The following SCLY variants were observed in gnomAD, a reference collection of about 807,000 sequenced individuals.
The protein encoded by SCLY is selenocysteine lyase.
A neutral mutation model predicts 50.1 loss-of-function variants in SCLY; 38 were observed. That is an observed-to-expected ratio of 0.76 (90% CI 0.59 to 0.99). SCLY has a LOEUF of 0.99. SCLY is among the 50% of genes least tolerant of loss of function. The pLI is 0.00. For missense variants in SCLY, 600 were observed against 620.0 expected (o/e 0.97, Z 0.34); for synonymous variants, 243 against 249.4 (o/e 0.97, Z 0.24).
intron 6 of SCLY, among the ~76,000 whole-genome samples, chr2:238,082,413 T>C (rs2065247729): frequency 6.6e-6 from 1 of 151,292 alleles, no homozygotes; most frequent in Admixed American, 6.6e-5. Context: ...ATGGCAGGGA[T>C]GATGGGGGGG....
At position 238,098,139 on chromosome 2, in the gene SCLY, G is replaced by C. The variant is rs555193808; in HGVS notation, c.1185-63G>C. ...CCACTAGGGGAGTGGTCCAGAGCAG[G>C]GGGGGCTGTGTCTCTTCCATGTGCC... On this transcript the variant is annotated intron_variant, in intron 11 of 11. Coordinates refer to ENST00000254663, the MANE Select transcript of SCLY (RefSeq NM_016510.7). 2.5e-5 allele frequency: 40 copies of C among 1,571,756 alleles called. No individual in the cohort carries two copies. The African/African-American group carries it at 4.0e-4, about 16-fold the overall frequency.
At chr2:238,088,296 T>C (rs1197736413) in intron 7 of SCLY, among the ~76,000 whole-genome samples, 2 of 151,834 alleles carry the variant, frequency 1.3e-5, no homozygotes, top group African/African-American at 2.4e-5. Context: ...ATCTCGCCTC[T>C]ATTACAAATA....
At chr2:238,073,700 G>A (rs185576782) in intron 4 of SCLY, 2 of 464,046 alleles carry the variant, frequency 4.3e-6, no homozygotes, top group African/African-American at 4.0e-5. Context: ...AACTCTGTGG[G>A]TCTACTTATA....
In SCLY at chr2:238,069,433, C is replaced by G. The variant is rs763712631; in HGVS notation, c.440C>G (p.Ser147Cys). Residue 147 changes from serine (S) to cysteine (C), a missense_variant, in exon 4 of 12, where the codon TCC becomes TGC. Physicochemically the swap from Ser to Cys is moderately radical, Grantham distance 112. Transcript: ENST00000254663. The surrounding 1 kb of genome is among the most constrained non-coding windows in gnomAD (Gnocchi z 5.0). ...HFITSSVEHDSIRLPLEHLVE... is the reference protein window; with the variant it reads ...HFITSSVEHDCIRLPLEHLVE... ...ATTACTTCCTCGGTGGAACACGACT[C>G]CATCCGGCTGCCCCTGGAGCACCTG... 1 of 1,613,798 alleles carries G rather than the reference C, an allele frequency of 6.2e-7. No individual in the cohort carries two copies.
At chr2:238,072,162 C>T (rs191613630) in intron 4 of SCLY, among the ~76,000 whole-genome samples, 13 of 152,096 alleles carry the variant, frequency 8.5e-5, no homozygotes, top group Admixed American at 6.5e-5. Flanking sequence ...CTCTTTTTGA[C>T]GGGCTTCTTC....
intron 2 of SCLY, among the ~76,000 whole-genome samples, chr2:238,065,863 C>T (rs1019169632): frequency 2.0e-5 from 3 of 151,750 alleles, no homozygotes; most frequent in South Asian, 2.1e-4. Context: ...TTAGTAGAGA[C>T]GGGGTTTCAC....
intron 7 of SCLY, among the ~76,000 whole-genome samples, chr2:238,090,522 C>T (rs1279374911): frequency 6.6e-6 from 1 of 152,142 alleles, no homozygotes; most frequent in Non-Finnish European, 1.5e-5. Context: ...TGCCTGTAAT[C>T]CCAGATACTC....
At chr2:238,086,968 G>A (rs1422771951) in intron 7 of SCLY, among the ~76,000 whole-genome samples, 2 of 147,670 alleles carry the variant, frequency 1.4e-5, no homozygotes, top group Non-Finnish European at 3.0e-5. Context: ...GTGGTGACCC[G>A]AGATCGCACC....
At chr2:238,064,917 T>C (rs1312740883) in intron 2 of SCLY, 3 of 152,308 alleles carry the variant, frequency 2.0e-5, no homozygotes, top group Non-Finnish European at 2.9e-5. Flanking sequence ...TTCTTATTTG[T>C]TTCCAATTTA....
Position 238,098,605 on chromosome 2 carries a change from A to AGGACCGCCCACATGGGACCGCCCACATG in SCLY, c.*278_*305dup, listed in dbSNP as rs57089270. ...ACCGCCCACATAGGACCGCCCACAT[A>AGGACCGCCCACATGGGACCGCCCACATG]GGACCGCCCACATGGGACCGCCCAC... On this transcript the variant is annotated 3_prime_UTR_variant, in exon 12 of 12. Coordinates refer to ENST00000254663, the MANE Select transcript of SCLY (RefSeq NM_016510.7). The AGGACCGCCCACATGGGACCGCCCACATG allele has an allele frequency of 5.1e-3, 1,575 of 311,206 alleles. 76 individuals carry two copies. Among genetic ancestry groups the AGGACCGCCCACATGGGACCGCCCACATG allele is most frequent in the East Asian group, 0.022 (476 of 21,574 alleles). 19.3% of individuals were successfully genotyped at this position (311,206 alleles called of 1,614,324 possible).
At chr2:238,085,643 C>T (rs1462618258) in intron 7 of SCLY, among the ~76,000 whole-genome samples, 2 of 151,966 alleles carry the variant, frequency 1.3e-5, no homozygotes, top group Admixed American at 6.6e-5. Flanking sequence ...AGGAGAATCC[C>T]TTGAACCTAG....
chr2:238,094,233 G>T, intron 9 of SCLY, 187 bp from the exon 10 acceptor site: 2 of 622,530 alleles, frequency 3.2e-6, no homozygotes, highest in Non-Finnish European at 5.7e-6. Context: ...ATATGTTTCT[G>T]AATATTTGGT....
At chr2:238,073,929 A>G (rs2065149463) in intron 4 of SCLY, 2 of 327,390 alleles carry the variant, frequency 6.1e-6, no homozygotes, top group Admixed American at 3.8e-5. Context: ...CATATAATAT[A>G]TAATATACAA....
intron 7 of SCLY, among the ~76,000 whole-genome samples, chr2:238,086,917 G>A (rs1247448456): frequency 6.6e-6 from 1 of 151,912 alleles, no homozygotes; most frequent in African/African-American, 2.4e-5. Flanking sequence ...TACTTGGGAG[G>A]CTGAGGCAGG....
intron 7 of SCLY, among the ~76,000 whole-genome samples, chr2:238,084,984 A>G (rs2106449065): frequency 6.6e-6 from 1 of 152,210 alleles, no homozygotes; most frequent in East Asian, 1.9e-4. Flanking sequence ...AACGTCAGAA[A>G]ATGGCAGCCC....
rs1165520971 is a variant in SCLY at position 238,072,397 on chromosome 2, A to T, written c.484+2920A>T. Among the ~76,000 whole-genome samples the T allele has an allele frequency of 3.3e-5, 5 of 152,214 alleles. No homozygotes were observed. In the South Asian group the frequency reaches 8.3e-4, roughly 25 times the overall value. ...CTTATTTCTTTTGGGTTTATACTTG[A>T]GTGAGATTGCTGGGTCATGCGGTAA... On this transcript the variant is annotated intron_variant, in intron 4 of 11. Coordinates refer to ENST00000254663, the MANE Select transcript of SCLY (RefSeq NM_016510.7).
rs767531094 is a variant in SCLY at position 238,081,794 on chromosome 2, C to G, written c.570C>G (p.Leu190=). 12 of 1,614,036 alleles carry G rather than the reference C, an allele frequency of 7.4e-6. No homozygotes were observed. The highest frequency in any genetic ancestry group is 1.7e-5 in the Admixed American group (1 of 60,002). ...CGGCAGTCCGCCCGACCACACGCCT[C>G]GTGACCATCATGCTGGCCAACAATG... ...ILAAVRPTTR[L]VTIMLANNET... The change falls in exon 5 of 12, where the codon CTC becomes CTG. Residue 190 remains leucine (L), a synonymous_variant. Transcript: ENST00000254663.
chr2:238,091,859 T>G (rs2065365782), intron 8 of SCLY: 1 of 155,760 alleles, frequency 6.4e-6, no homozygotes. Flanking sequence ...ACTGCTTTAT[T>G]TCCCCTATCT....
intron 2 of SCLY, among the ~76,000 whole-genome samples, chr2:238,065,924 C>T (rs1432211949): frequency 1.3e-4 from 20 of 152,142 alleles, no homozygotes; most frequent in African/African-American, 3.6e-4. Flanking sequence ...CCACCCACCT[C>T]GGCCTCCCAC....
Sources: gnomAD v4.1 joint callset for allele counts (sites outside exome capture counted in the v4.1 genomes callset) on GRCh38, gnomAD v4.1.1 for gene constraint, Gnocchi (gnomAD v3.1) non-coding constraint, MANE v1.5 for transcripts, NCBI Gene and HGNC (gene_info 2026-07-23, HGNC 2026-07-21) for gene names.